Variants in SLC35D4 observed in about 807,000 individuals in gnomAD.
The protein encoded by SLC35D4 is UDP-N-acetylglucosamine transporter SLC35D4.
the SLC35D4 span, among the ~76,000 whole-genome samples, chr18:23,390,772 T>C: frequency 1.3e-5 from 2 of 152,232 alleles, no homozygotes; most frequent in African/African-American, 4.8e-5. Context: ...TCAATTTTTG[T>C]AAAAGAATGT....
At chr18:23,410,607 C>T in the SLC35D4 span, among the ~76,000 whole-genome samples, 2 of 151,976 alleles carry the variant, frequency 1.3e-5, no homozygotes, top group Admixed American at 6.6e-5. Flanking sequence ...GAGTTCAAGA[C>T]GAGCCTAGAC....
chr18:23,341,898 T>G, the SLC35D4 span, among the ~76,000 whole-genome samples: 2 of 151,920 alleles, frequency 1.3e-5, no homozygotes, highest in Non-Finnish European at 2.9e-5. Flanking sequence ...AGAAAAATTA[T>G]AAACTTCCCT....
chr18:23,325,466 G>A, the SLC35D4 span, among the ~76,000 whole-genome samples: 18 of 152,180 alleles, frequency 1.2e-4, no homozygotes, highest in East Asian at 2.7e-3. Context: ...GAGTGTGGCC[G>A]CATGATTCCT....
At chr18:23,389,691 A>G in the SLC35D4 span, among the ~76,000 whole-genome samples, 1 of 152,038 alleles carries the variant, frequency 6.6e-6, no homozygotes, top group Admixed American at 6.6e-5. Flanking sequence ...GGCATACACC[A>G]CCACGCCCAG....
chr18:23,329,378 C>A, the SLC35D4 span, among the ~76,000 whole-genome samples: 1 of 152,120 alleles, frequency 6.6e-6, no homozygotes, highest in East Asian at 1.9e-4. Context: ...CAAACCACCC[C>A]ATCAATAAGT....
chr18:23,296,003 C>G, the SLC35D4 span: 1 of 152,038 alleles, frequency 6.6e-6, no homozygotes, highest in Non-Finnish European at 1.5e-5. Flanking sequence ...GGTTCAGAAA[C>G]AAGTGACCAT....
At chr18:23,248,393 A>G in the SLC35D4 span, among the ~76,000 whole-genome samples, 978 of 152,152 alleles carry the variant, frequency 6.4e-3, 6 homozygotes, top group African/African-American at 0.022. Flanking sequence ...GTTTAAGAAG[A>G]AAGAGGAGCC....
At chr18:23,263,053 C>T in the SLC35D4 span, among the ~76,000 whole-genome samples, 1 of 152,248 alleles carries the variant, frequency 6.6e-6, no homozygotes, top group Non-Finnish European at 1.5e-5. Flanking sequence ...CTTAATGCAC[C>T]TGTCCTCATT....
At chr18:23,349,776 T>A in the SLC35D4 span, among the ~76,000 whole-genome samples, 1 of 146,926 alleles carries the variant, frequency 6.8e-6, no homozygotes, top group Non-Finnish European at 1.5e-5. Context: ...TGAGTCCCTC[T>A]AGAGCACTTT....
the SLC35D4 span, among the ~76,000 whole-genome samples, chr18:23,350,460 C>T: frequency 6.6e-6 from 1 of 152,184 alleles, no homozygotes; most frequent in Non-Finnish European, 1.5e-5. Context: ...TTTCTGCTAG[C>T]TCTTTCACAG....
chr18:23,389,701 G>C, the SLC35D4 span, among the ~76,000 whole-genome samples: 2 of 152,124 alleles, frequency 1.3e-5, no homozygotes, highest in Admixed American at 1.3e-4. Context: ...ACCACGCCCA[G>C]CTAATTTTTG....
chr18:23,426,988 C>T, the SLC35D4 span, among the ~76,000 whole-genome samples: 1 of 152,114 alleles, frequency 6.6e-6, no homozygotes, highest in Admixed American at 6.5e-5. Context: ...AAACTGGATC[C>T]CTTCCTTACA....
the SLC35D4 span, among the ~76,000 whole-genome samples, chr18:23,340,617 G>C: frequency 2.0e-5 from 3 of 152,276 alleles, no homozygotes; most frequent in African/African-American, 7.2e-5. Context: ...TTCTGAGCAA[G>C]CTATGAAAAG....
At chr18:23,404,207 GGAAA>G in the SLC35D4 span, among the ~76,000 whole-genome samples, 116 of 152,286 alleles carry the variant, frequency 7.6e-4, no homozygotes, top group South Asian at 0.023. Context: ...TCTGTGGCTT[GGAAA>G]GACTTTGTCA....
chr18:23,285,791 G>C, the SLC35D4 span, among the ~76,000 whole-genome samples: 9 of 152,056 alleles, frequency 5.9e-5, no homozygotes, highest in African/African-American at 2.2e-4. Context: ...CCTCACACCG[G>C]GTCCGGCTTA....
the SLC35D4 span, among the ~76,000 whole-genome samples, chr18:23,406,619 A>C: frequency 6.2e-4 from 95 of 152,358 alleles, 2 homozygotes; most frequent in East Asian, 0.018. Context: ...AAAGAAAGCC[A>C]GTGCCTAGCT....
chr18:23,335,050 T>A, the SLC35D4 span, among the ~76,000 whole-genome samples: 1 of 151,744 alleles, frequency 6.6e-6, no homozygotes, highest in African/African-American at 2.4e-5. Flanking sequence ...AAAAGCAAAT[T>A]TGGACTACTT....
At chr18:23,388,740 T>C in the SLC35D4 span, among the ~76,000 whole-genome samples, 1 of 152,208 alleles carries the variant, frequency 6.6e-6, no homozygotes, top group African/African-American at 2.4e-5. Flanking sequence ...GATTAAATCA[T>C]GGGGGTGGAT....
chr18:23,408,992 G>A, the SLC35D4 span, among the ~76,000 whole-genome samples: 6 of 151,634 alleles, frequency 4.0e-5, no homozygotes, highest in Non-Finnish European at 8.8e-5. Flanking sequence ...AAAATTAGCC[G>A]GGCATGGTGG....
Sources: gnomAD v4.1 joint callset for allele counts (sites outside exome capture counted in the v4.1 genomes callset) on GRCh38, gnomAD v4.1.1 for gene constraint, MANE v1.5 for transcripts, NCBI Gene and HGNC (gene_info 2026-07-23, HGNC 2026-07-21) for gene names.